MTMR2: variants seen among roughly 807,000 people sequenced by gnomAD.
The protein encoded by MTMR2 is myotubularin related protein 2.
Under a neutral mutation model 86.9 loss-of-function variants are expected in MTMR2, and 55 were observed. The observed-to-expected ratio is 0.63, with a 90% CI of 0.51 to 0.79. MTMR2 has a LOEUF of 0.79. MTMR2 is among the 30% of genes least tolerant of loss of function. MTMR2 has a pLI of 0.00. For missense variants in MTMR2, 659 were observed against 772.3 expected, an observed-to-expected ratio of 0.85 and a Z score of 1.74; for synonymous variants, 241 against 266.8, an observed-to-expected ratio of 0.90 and a Z score of 0.94.
chr11:95,897,272 C>T (rs1865911199), intron 1 of MTMR2, among the ~76,000 whole-genome samples: 1 of 152,072 alleles, frequency 6.6e-6, no homozygotes. Context: ...GTAACATCCA[C>T]ACAATATACA....
At position 95,834,684 on chromosome 11, in the gene MTMR2, G is replaced by T. The variant is rs1413299985; in HGVS notation, c.*606C>A. 1.3e-5 allele frequency: 2 copies of T among 154,972 alleles called. No homozygotes were observed. Among genetic ancestry groups the T allele is most frequent in the Non-Finnish European group, 1.4e-5 (1 of 69,798 alleles). The allele number at this position is 154,972 out of a possible 1,614,324, so 9.6% of individuals were successfully genotyped here. A position where few individuals can be genotyped will look rare whatever the true frequency, so the allele number is the denominator to read the frequency against. On this transcript the variant is annotated 3_prime_UTR_variant, in exon 15 of 15. Coordinates refer to ENST00000346299, the MANE Select transcript of MTMR2 (RefSeq NM_016156.6). The stretch of plus-strand genomic sequence containing the variant: ...GGATCAACTTGCTAATATGTCTTAA[G>T]TATGTAAATAATGACGGCAATAATT...
intron 1 of MTMR2, among the ~76,000 whole-genome samples, chr11:95,901,951 G>A (rs61903340): frequency 0.016 from 2,497 of 152,220 alleles, 26 homozygotes; most frequent in Middle Eastern, 0.031. Flanking sequence ...GAGAAAGATG[G>A]ATTGGTAATC....
intron 2 of MTMR2, among the ~76,000 whole-genome samples, chr11:95,884,538 T>C (rs1489823037): frequency 6.6e-6 from 1 of 152,198 alleles, no homozygotes; most frequent in Non-Finnish European, 1.5e-5. Context: ...TCACCCTTTC[T>C]GACTGTCAGG....
Position 95,836,208 on chromosome 11 carries a change from C to A in MTMR2, c.1710G>T (p.Met570Ile). 1 of 1,612,834 alleles carries A rather than the reference C, an allele frequency of 6.2e-7. No homozygotes were observed. The highest frequency in any genetic ancestry group is 1.7e-4 in the Middle Eastern group (1 of 6,056). ...ATCCCACCCAGAGCTCTAGGTGGCG[C>A]ATGCTGGCTACTGGATAAAGGACAT... is the stretch of plus-strand genomic sequence containing the variant. ...SNHVLYPVAS[M>I]RHLELWVGYY... The change falls in exon 14 of 15, where the codon ATG (methionine) becomes ATT (isoleucine). Residue 570 changes from methionine to isoleucine, a missense_variant. Met to Ile is a conservative substitution (Grantham distance 10). This residue lies in a region of MTMR2 where 193 missense variants were observed against 191.6 expected (regional missense o/e 1.01). Transcript: ENST00000346299.
intron 1 of MTMR2, among the ~76,000 whole-genome samples, chr11:95,893,670 TC>T (rs1865786316): frequency 6.6e-6 from 1 of 152,132 alleles, no homozygotes; most frequent in Non-Finnish European, 1.5e-5. Flanking sequence ...AACACAGTGC[TC>T]AATGATTCTC....
At position 95,874,661 on chromosome 11, in the gene MTMR2, C is replaced by T. The variant is rs532638041; in HGVS notation, c.187-8985G>A. On this transcript the variant is annotated intron_variant, in intron 2 of 14. Transcript: ENST00000346299. ...TATGATGTTAGCTGGTTATTTTGCT[C>T]GTTAGTTGATGCTTTTTCTTCCTAG... Among the ~76,000 whole-genome samples the T allele has an allele frequency of 5.7e-4, 87 of 152,204 alleles. 2 individuals carry two copies. The highest frequency in any genetic ancestry group is 4.8e-3 in the Admixed American group (73 of 15,274).
rs67412882 is a variant in MTMR2 at position 95,900,627 on chromosome 11, A to AT, written c.81-12367dup. Among the ~76,000 whole-genome samples, 54 of 147,832 alleles carry AT rather than the reference A, an allele frequency of 3.7e-4. 1 individual carries two copies. Among genetic ancestry groups the AT allele is most frequent in the South Asian group, 1.3e-3 (6 of 4,656 alleles). On this transcript the variant is annotated intron_variant, in intron 1 of 14. Transcript: ENST00000346299. ...ACCCTTCCTTCCTTTTGTAGATAAC[A>AT]TTTTTTTTTTTTAGGTTCAAAGCCA...
rs371105248 is a variant in MTMR2, at chr11:95,844,945, T to G, written c.1386+8A>C. On this transcript the variant is annotated splice_region_variant and intron_variant, in intron 11 of 14. Transcript: ENST00000346299. Reference sequence around the variant, plus strand: ...GTGATATATCCAAAGTCAAGGTTCCTTACTTACTAGTTGAAATCGATGTCC... The same window carrying G: ...GTGATATATCCAAAGTCAAGGTTCCGTACTTACTAGTTGAAATCGATGTCC... 15 of 1,584,092 alleles carry G rather than the reference T, an allele frequency of 9.5e-6. No individual in the cohort carries two copies. Among genetic ancestry groups the G allele is most frequent in the African/African-American group, 1.3e-5 (1 of 74,586 alleles).
rs770571612 is a variant in MTMR2, at chr11:95,888,273, A to G, written c.81-12T>C. On this transcript the variant is annotated splice_polypyrimidine_tract_variant and intron_variant, in intron 1 of 14. Transcript: ENST00000346299. Reference sequence around the variant, plus strand: ...GAGAAGTGGAGGCACTACAAAATACAAAAGTACAGTATGTTGGAAAAATGG... The same window carrying G: ...GAGAAGTGGAGGCACTACAAAATACGAAAGTACAGTATGTTGGAAAAATGG... 7.6e-6 allele frequency: 12 copies of G among 1,575,682 alleles called. No homozygotes were observed. Among genetic ancestry groups the G allele is most frequent in the Non-Finnish European group, 1.0e-5 (12 of 1,148,600 alleles).
At chr11:95,885,885 T>C (rs977328010) in intron 2 of MTMR2, among the ~76,000 whole-genome samples, 4 of 152,156 alleles carry the variant, frequency 2.6e-5, no homozygotes, top group African/African-American at 9.7e-5. Context: ...TGATAGTAAG[T>C]ACTCTTAATA....
Position 95,845,085 on chromosome 11 carries a change from A to G in MTMR2, c.1254T>C (p.Ser418=). ...SGKTSVVVHC[S]DGWDRTAQLT... ...GCTGAGCTGTGCGATCCCAACCATC[A>G]CTGCAATGCACTACCACAGACGTCT... Residue 418 remains serine (S), a synonymous_variant, in exon 11 of 15, where the codon AGT becomes AGC. Coordinates refer to ENST00000346299, the MANE Select transcript of MTMR2 (RefSeq NM_016156.6). The G allele has an allele frequency of 6.2e-7, 1 of 1,613,980 alleles. No individual in the cohort carries two copies. Among genetic ancestry groups the G allele is most frequent in the East Asian group, 2.2e-5 (1 of 44,868 alleles).
At chr11:95,889,133 C>CTTTT (rs374185094) in intron 1 of MTMR2, among the ~76,000 whole-genome samples, 1 of 143,540 alleles carries the variant, frequency 7.0e-6, no homozygotes, top group East Asian at 2.1e-4. Context: ...TCCTATAGAA[C>CTTTT]TTTTTTTTTT....
intron 1 of MTMR2, chr11:95,907,824 TA>T: frequency 4.8e-6 from 2 of 415,756 alleles, no homozygotes; most frequent in South Asian, 3.6e-5. Context: ...CGCTTCATGT[TA>T]AAAACCTTCC....
chr11:95,858,665 G>T, intron 5 of MTMR2, 33 bp from the exon 6 acceptor site: 2 of 1,293,210 alleles, frequency 1.5e-6, no homozygotes, highest in Non-Finnish European at 2.2e-6. Context: ...GTTAATAATT[G>T]TTCACTACTT....
At chr11:95,891,601 AGT>A (rs2135557293) in intron 1 of MTMR2, among the ~76,000 whole-genome samples, 1 of 152,330 alleles carries the variant, frequency 6.6e-6, no homozygotes, top group Non-Finnish European at 1.5e-5. Flanking sequence ...TTCTAGCAAA[AGT>A]GTGGTAAACA....
chr11:95,923,582 G>A (rs371466154), intron 1 of MTMR2: 1 of 1,013,854 alleles, frequency 9.9e-7, no homozygotes, highest in Non-Finnish European at 1.3e-6. Flanking sequence ...AGGTTTGAGA[G>A]GGAATGAAAG....
chr11:95,846,810 T>G (rs1863813010), intron 10 of MTMR2, among the ~76,000 whole-genome samples: 1 of 150,720 alleles, frequency 6.6e-6, no homozygotes, highest in Non-Finnish European at 1.5e-5. Flanking sequence ...ATGAACATGC[T>G]CTCTGAGTAG....
At chr11:95,866,393 CCT>C (rs1403386169) in intron 2 of MTMR2, 1 of 152,174 alleles carries the variant, frequency 6.6e-6, no homozygotes, top group African/African-American at 2.4e-5. Flanking sequence ...CCTCCTCCCA[CCT>C]CTCTCACCAT....
chr11:95,845,996 A>T (rs901220161), intron 10 of MTMR2, among the ~76,000 whole-genome samples: 1 of 152,052 alleles, frequency 6.6e-6, no homozygotes, highest in Non-Finnish European at 1.5e-5. Context: ...GAATGAAAGA[A>T]AACAGATTAT....
Sources: gnomAD v4.1 joint callset for allele counts (sites outside exome capture counted in the v4.1 genomes callset) on GRCh38, gnomAD v4.1.1 for gene constraint, gnomAD v4.1.1 regional missense constraint, MANE v1.5 for transcripts, NCBI Gene and HGNC (gene_info 2026-07-23, HGNC 2026-07-21) for gene names.